Variants in ALDH1A3 observed in about 807,000 individuals in gnomAD.
ALDH1A3 encodes retinaldehyde dehydrogenase 3.
ALDH1A3 carries 28 observed loss-of-function variants against 57.5 expected under a neutral mutation model. The ratio of observed to expected loss-of-function variants is 0.49; its 90% CI spans 0.36 to 0.67. ALDH1A3 has a LOEUF of 0.67. Ranked by LOEUF, ALDH1A3 falls within the 30% of genes least tolerant of loss-of-function variation. The pLI is 0.00. For missense variants in ALDH1A3, 507 were observed against 669.4 expected, an observed-to-expected ratio of 0.76 and a Z score of 2.68; for synonymous variants, 281 against 264.8, an observed-to-expected ratio of 1.06 and a Z score of -0.59.
rs1209066362 is a variant in ALDH1A3 at position 100,889,764 on chromosome 15, C to G, written c.345+2052C>G. On this transcript the variant is annotated intron_variant, in intron 3 of 12. Coordinates refer to ENST00000329841, the MANE Select transcript of ALDH1A3 (RefSeq NM_000693.4). The surrounding 1 kb of genome is among the most constrained non-coding windows in gnomAD (Gnocchi z 5.1). ...GATAGCAGACAGCTTTGGAGGATCT[C>G]AGAATGCAAACCCAGCAAATCACTT... 6.6e-6 allele frequency among the ~76,000 whole-genome samples: 1 copy of G among 152,200 alleles called. No homozygotes were observed. The highest frequency in any genetic ancestry group is 2.4e-5 in the African/African-American group (1 of 41,438).
chr15:100,882,565 C>T (rs1001541278), intron 1 of ALDH1A3, among the ~76,000 whole-genome samples: 1 of 152,200 alleles, frequency 6.6e-6, no homozygotes, highest in East Asian at 1.9e-4. Flanking sequence ...TACGGGAAAT[C>T]GGCATCAATA....
At chr15:100,882,087 C>T (rs1031103007) in intron 1 of ALDH1A3, among the ~76,000 whole-genome samples, 2 of 152,162 alleles carry the variant, frequency 1.3e-5, no homozygotes, top group African/African-American at 2.4e-5. Flanking sequence ...GGAGAGCAGA[C>T]GGTGGAGCAT....
intron 1 of ALDH1A3, 83 bp downstream of exon 1, chr15:100,880,089 A>C: frequency 1.8e-6 from 2 of 1,081,222 alleles, no homozygotes; most frequent in Non-Finnish European, 2.4e-6. Context: ...GCGAGGGAGC[A>C]GCGGGCCGGG....
In ALDH1A3 at chr15:100,906,356, T is replaced by C. The variant is rs139740298; in HGVS notation, c.1233+669T>C. On this transcript the variant is annotated intron_variant, in intron 10 of 12. Coordinates refer to ENST00000329841, the MANE Select transcript of ALDH1A3 (RefSeq NM_000693.4). This position sits in a 1 kb window ranked among gnomAD's most constrained non-coding sequence, Gnocchi z 4.8. The stretch of plus-strand genomic sequence containing the variant: ...CCTGGAGGTGGTATTTTGGGGCACA[T>C]AAAAGGATGAGTCCCTGCCAAGGGC... Among the ~76,000 whole-genome samples the C allele has an allele frequency of 7.7e-3, 1,177 of 152,230 alleles. 23 individuals carry two copies. The highest frequency in any genetic ancestry group is 0.027 in the African/African-American group (1,120 of 41,524).
At chr15:100,910,544 G>A (rs2041873268) in intron 12 of ALDH1A3, among the ~76,000 whole-genome samples, 1 of 152,186 alleles carries the variant, frequency 6.6e-6, no homozygotes, top group Admixed American at 6.5e-5. Flanking sequence ...CCATGAGATG[G>A]GTCCAGCTGT....
At chr15:100,881,853 C>T (rs1027022660) in intron 1 of ALDH1A3, among the ~76,000 whole-genome samples, 1 of 152,144 alleles carries the variant, frequency 6.6e-6, no homozygotes, top group Non-Finnish European at 1.5e-5. Flanking sequence ...GGCTCCTGGC[C>T]CATCTCTGCA....
chr15:100,896,433 T>C (rs866582545), intron 7 of ALDH1A3, among the ~76,000 whole-genome samples: 1 of 150,334 alleles, frequency 6.7e-6, no homozygotes. Context: ...AAAACCAAAC[T>C]GAATGGTAGA....
At chr15:100,895,871 A>C (rs2041697296) in intron 6 of ALDH1A3, 62 bp from the exon 7 acceptor site, 1 of 1,429,184 alleles carries the variant, frequency 7.0e-7, no homozygotes, top group Non-Finnish European at 9.7e-7. Flanking sequence ...TCTCGGCCCA[A>C]ATGTGGATCC....
intron 8 of ALDH1A3, 97 bp from the exon 9 acceptor site, chr15:100,900,478 G>A: frequency 3.5e-6 from 4 of 1,149,174 alleles, no homozygotes; most frequent in Non-Finnish European, 3.7e-6. Context: ...CTGTTTTCTT[G>A]TGTGGGCAAT....
chr15:100,893,161 T>G lies in ALDH1A3; in HGVS notation c.537+155T>G, dbSNP rs1000833866. On this transcript the variant is annotated intron_variant, in intron 5 of 12. Transcript: ENST00000329841. This position sits in a 1 kb window ranked among gnomAD's most constrained non-coding sequence, Gnocchi z 4.8. ...ATGGAACTCCATGCTTGGGGGCTCT[T>G]GAGATGGATTAGACCCCATTTCTGC... 2 of 637,164 alleles carry G rather than the reference T, an allele frequency of 3.1e-6. No homozygotes were observed. Among genetic ancestry groups the G allele is most frequent in the African/African-American group, 3.6e-5 (2 of 54,980 alleles). 39.5% of individuals were successfully genotyped at this position (637,164 alleles called of 1,614,324 possible). A position where few individuals can be genotyped will look rare whatever the true frequency, so the allele number is the denominator to read the frequency against.
intron 12 of ALDH1A3, among the ~76,000 whole-genome samples, chr15:100,911,322 C>T (rs1300894902): frequency 6.6e-6 from 1 of 152,236 alleles, no homozygotes; most frequent in East Asian, 1.9e-4. Context: ...CCTCCGGGAG[C>T]TGTTTCTGTG....
chr15:100,892,178 G>T, intron 3 of ALDH1A3: 1 of 300,838 alleles, frequency 3.3e-6, no homozygotes, highest in Non-Finnish European at 6.2e-6. Context: ...TGCTACAGAT[G>T]GAAGATCAGA....
chr15:100,894,136 A>G lies in ALDH1A3; in HGVS notation c.666+54A>G. The G allele has an allele frequency of 9.4e-6, 15 of 1,597,202 alleles. No individual in the cohort carries two copies. The highest frequency in any genetic ancestry group is 1.3e-5 in the Non-Finnish European group (15 of 1,170,752). On this transcript the variant is annotated intron_variant, in intron 6 of 12. Transcript: ENST00000329841. This position sits in a 1 kb window ranked among gnomAD's most constrained non-coding sequence, Gnocchi z 4.5. ...TGTTCTTGGTAACATTCCCACTCCTAGGAACCAGGCCACCGTCACGAGATG... is the reference window on the plus strand; with the variant it reads ...TGTTCTTGGTAACATTCCCACTCCTGGGAACCAGGCCACCGTCACGAGATG...
At chr15:100,908,941 G>A (rs1211562144) in intron 12 of ALDH1A3, among the ~76,000 whole-genome samples, 2 of 152,120 alleles carry the variant, frequency 1.3e-5, no homozygotes, top group Non-Finnish European at 2.9e-5. Context: ...CTCCCAGGAG[G>A]CATATGACAA....
chr15:100,883,918 G>A (rs2041569941), intron 1 of ALDH1A3, among the ~76,000 whole-genome samples: 1 of 152,152 alleles, frequency 6.6e-6, no homozygotes, highest in African/African-American at 2.4e-5. Flanking sequence ...CACAATAATT[G>A]AAATTAGCCC....
chr15:100,895,651 C>T (rs1436876345), intron 6 of ALDH1A3: 1 of 460,480 alleles, frequency 2.2e-6, no homozygotes, highest in African/African-American at 1.9e-5. Flanking sequence ...AGCATAACCA[C>T]ACATTTGCAC....
chr15:100,888,620 C>T (rs1441312611), intron 3 of ALDH1A3: 1 of 152,138 alleles, frequency 6.6e-6, no homozygotes, highest in Non-Finnish European at 1.5e-5. Flanking sequence ...GTGGTGAGGG[C>T]AGGATAGCCT....
rs571610912 is a variant in ALDH1A3 at position 100,892,941 on chromosome 15, C to T, written c.476-4C>T. Reference sequence around the variant, plus strand: ...TCCTTCCCCACCATGTAACCCTCTTCCAGATGACAACGTCGTGTGCTTCAC... The same window carrying T: ...TCCTTCCCCACCATGTAACCCTCTTTCAGATGACAACGTCGTGTGCTTCAC... On this transcript the variant is annotated splice_region_variant and splice_polypyrimidine_tract_variant and intron_variant, in intron 4 of 12. Coordinates refer to ENST00000329841, the MANE Select transcript of ALDH1A3 (RefSeq NM_000693.4). 2 of 1,614,030 alleles carry T rather than the reference C, an allele frequency of 1.2e-6. No individual in the cohort carries two copies. The highest frequency in any genetic ancestry group is 1.1e-5 in the South Asian group (1 of 91,048).
At position 100,893,130 on chromosome 15, in the gene ALDH1A3, C is replaced by T. The variant is rs1463384263; in HGVS notation, c.537+124C>T. The T allele has an allele frequency of 1.1e-5, 9 of 841,578 alleles. No individual in the cohort carries two copies. Among genetic ancestry groups the T allele is most frequent in the Middle Eastern group, 2.4e-4 (1 of 4,178 alleles). 52.1% of individuals were successfully genotyped at this position (841,578 alleles called of 1,614,324 possible). A position where few individuals can be genotyped will look rare whatever the true frequency, so the allele number is the denominator to read the frequency against. On this transcript the variant is annotated intron_variant, in intron 5 of 12. Coordinates refer to ENST00000329841, the MANE Select transcript of ALDH1A3 (RefSeq NM_000693.4). The surrounding 1 kb of genome is among the most constrained non-coding windows in gnomAD (Gnocchi z 4.8). ...ACCAGCGTTGAACAAGCATTTTCTTCGTGGCATGGAACTCCATGCTTGGGG... is the reference window on the plus strand; with the variant it reads ...ACCAGCGTTGAACAAGCATTTTCTTTGTGGCATGGAACTCCATGCTTGGGG...
Sources: allele counts gnomAD v4.1 joint callset (sites outside exome capture counted in the v4.1 genomes callset), GRCh38; gene constraint gnomAD v4.1.1; non-coding constraint Gnocchi (gnomAD v3.1); transcripts MANE v1.5; gene names NCBI Gene and HGNC (gene_info 2026-07-23, HGNC 2026-07-21).